Variants in RSRC1 observed in about 807,000 individuals in gnomAD.
RSRC1 encodes serine/Arginine-related protein 53.
RSRC1 carries 39 observed loss-of-function variants against 49.1 expected under a neutral mutation model. The ratio of observed to expected loss-of-function variants is 0.79; its 90% CI spans 0.61 to 1.04. The LOEUF is 1.04. Among genes scored for constraint, RSRC1 ranks in the 50% least tolerant of loss-of-function variants. The pLI is 0.00. For missense variants in RSRC1, 388 were observed against 402.4 expected, an observed-to-expected ratio of 0.96 and a Z score of 0.31; for synonymous variants, 143 against 130.8, an observed-to-expected ratio of 1.09 and a Z score of -0.63.
rs1466661000 is a variant in RSRC1, at chr3:158,203,209, A to C, written c.458A>C (p.Lys153Thr). 2.5e-6 allele frequency: 4 copies of C among 1,607,546 alleles called. No homozygotes were observed. Among genetic ancestry groups the C allele is most frequent in the Non-Finnish European group, 3.4e-6 (4 of 1,176,712 alleles). ...DKEKREKEKD[K>T]GKDKELHNIK... ...GAGAAAAGAGAAAAGGAGAAGGATA[A>C]AGGGAAGGACAAGGAATTACATAAC... Residue 153 changes from lysine to threonine, a missense_variant, in exon 4 of 10, where the codon AAA (lysine) becomes ACA (threonine). Coordinates refer to ENST00000611884, the MANE Select transcript of RSRC1 (RefSeq NM_001271838.2).
intron 7 of RSRC1, among the ~76,000 whole-genome samples, chr3:158,512,085 T>A (rs1412069915): frequency 1.4e-5 from 2 of 145,472 alleles, no homozygotes; most frequent in African/African-American, 5.1e-5. Flanking sequence ...TTCACTCTGA[T>A]GGTAGTTTCT....
At chr3:158,379,181 C>A (rs77771696) in intron 6 of RSRC1, among the ~76,000 whole-genome samples, 2,138 of 145,022 alleles carry the variant, frequency 0.015, 29 homozygotes, top group Non-Finnish European at 0.02. Context: ...AAACCTTGAT[C>A]AGAAATACCA....
chr3:158,185,888 C>T (rs1302805458), intron 3 of RSRC1, among the ~76,000 whole-genome samples: 1 of 151,910 alleles, frequency 6.6e-6, no homozygotes, highest in African/African-American at 2.4e-5. Flanking sequence ...GACCTCATTT[C>T]CTTTAGAACA....
intron 4 of RSRC1, among the ~76,000 whole-genome samples, chr3:158,279,895 G>A (rs1336457313): frequency 1.3e-5 from 2 of 152,164 alleles, no homozygotes; most frequent in East Asian, 3.9e-4. Context: ...TATGTAATCA[G>A]TGGGACTCTG....
chr3:158,478,913 A>G lies in RSRC1; in HGVS notation c.652+17910A>G, dbSNP rs370638375. Among the ~76,000 whole-genome samples, 52 of 150,164 alleles carry G rather than the reference A, an allele frequency of 3.5e-4. No homozygotes were observed. In the East Asian group the frequency reaches 9.9e-3, roughly 29 times the overall value. ...AGTACTATTGTATTCATTAATATAT[A>G]GAAGGTTATTAACTAAAGATACAAG... On this transcript the variant is annotated intron_variant, in intron 7 of 9. Transcript: ENST00000611884.
intron 3 of RSRC1, among the ~76,000 whole-genome samples, chr3:158,197,728 T>A (rs1209281302): frequency 6.6e-6 from 1 of 152,212 alleles, no homozygotes; most frequent in Non-Finnish European, 1.5e-5. Flanking sequence ...CATCTTTATT[T>A]CTGTCTTCAT....
At chr3:158,516,344 G>T (rs921822106) in intron 7 of RSRC1, among the ~76,000 whole-genome samples, 1 of 151,896 alleles carries the variant, frequency 6.6e-6, no homozygotes, top group African/African-American at 2.4e-5. Flanking sequence ...AGGTCTGTTG[G>T]AGTACCCGGC....
At chr3:158,122,036 A>T in intron 1 of RSRC1, 67 bp from the exon 2 acceptor site, 1 of 845,728 alleles carries the variant, frequency 1.2e-6, no homozygotes, top group Non-Finnish European at 1.7e-6. Context: ...ATAAAAAATT[A>T]ATATATTGCA....
At chr3:158,397,980 T>G (rs114693074) in intron 6 of RSRC1, among the ~76,000 whole-genome samples, 1 of 151,832 alleles carries the variant, frequency 6.6e-6, no homozygotes, top group African/African-American at 2.4e-5. Context: ...TGTGATACCG[T>G]GAGGTTGGGA....
In RSRC1 at chr3:158,450,008, C is replaced by T. The variant is rs543694797; in HGVS notation, c.584-10927C>T. 2.0e-5 allele frequency among the ~76,000 whole-genome samples: 3 copies of T among 152,054 alleles called. No homozygotes were observed. In the East Asian group the frequency reaches 5.8e-4, roughly 29 times the overall value. ...AAAGGTGCTTAAGTATCATCCCCTC[C>T]TAGATGTCTTCCCTGACCATATTCC... On this transcript the variant is annotated intron_variant, in intron 6 of 9. Coordinates refer to ENST00000611884, the MANE Select transcript of RSRC1 (RefSeq NM_001271838.2).
intron 7 of RSRC1, among the ~76,000 whole-genome samples, chr3:158,505,582 G>A (rs574534983): frequency 6.6e-6 from 1 of 152,202 alleles, no homozygotes; most frequent in East Asian, 1.9e-4. Flanking sequence ...TGGCATTTGA[G>A]CTGAATTTTG....
chr3:158,423,067 G>A (rs1467614234), intron 6 of RSRC1, among the ~76,000 whole-genome samples: 1 of 152,060 alleles, frequency 6.6e-6, no homozygotes, highest in African/African-American at 2.4e-5. Flanking sequence ...CTGTGCAGAA[G>A]CTCTTTAGTT....
chr3:158,272,682 T>G (rs1725587301), intron 4 of RSRC1, among the ~76,000 whole-genome samples: 1 of 152,054 alleles, frequency 6.6e-6, no homozygotes, highest in Non-Finnish European at 1.5e-5. Flanking sequence ...AGAAAATAGT[T>G]GCAAAACAGA....
chr3:158,372,460 A>C (rs1057193074), intron 6 of RSRC1, among the ~76,000 whole-genome samples: 2 of 151,950 alleles, frequency 1.3e-5, no homozygotes, highest in Admixed American at 6.6e-5. Context: ...AGTTCACTAC[A>C]TATAAGTAGC....
At chr3:158,440,670 G>A (rs1213669774) in intron 6 of RSRC1, among the ~76,000 whole-genome samples, 1 of 152,126 alleles carries the variant, frequency 6.6e-6, no homozygotes, top group African/African-American at 2.4e-5. Flanking sequence ...CCAGTTGGGC[G>A]CAGTGGCTCA....
intron 6 of RSRC1, among the ~76,000 whole-genome samples, chr3:158,360,406 A>G (rs1731400332): frequency 6.6e-6 from 1 of 152,132 alleles, no homozygotes; most frequent in African/African-American, 2.4e-5. Flanking sequence ...CCCAGCTGCC[A>G]GCCTTCAGGC....
intron 7 of RSRC1, among the ~76,000 whole-genome samples, chr3:158,510,309 C>T (rs1357156008): frequency 2.0e-5 from 3 of 152,054 alleles, no homozygotes; most frequent in Non-Finnish European, 4.4e-5. Flanking sequence ...TTATCTTTTA[C>T]TAGTTCTTTG....
chr3:158,327,843 C>G (rs1185188898), intron 5 of RSRC1, among the ~76,000 whole-genome samples: 1 of 152,078 alleles, frequency 6.6e-6, no homozygotes, highest in Non-Finnish European at 1.5e-5. Flanking sequence ...GTTAAAGTCT[C>G]CCATTATTAT....
intron 3 of RSRC1, among the ~76,000 whole-genome samples, chr3:158,129,475 G>T (rs1559911561): frequency 6.6e-6 from 1 of 151,776 alleles, no homozygotes; most frequent in Admixed American, 6.6e-5. Flanking sequence ...AATTTTTGGA[G>T]AGATGGGGTT....
Sources: allele counts gnomAD v4.1 joint callset (sites outside exome capture counted in the v4.1 genomes callset), GRCh38; gene constraint gnomAD v4.1.1; transcripts MANE v1.5; gene names NCBI Gene and HGNC (gene_info 2026-07-23, HGNC 2026-07-21).